VPS37A: variants seen among roughly 807,000 people sequenced by gnomAD.
The protein encoded by VPS37A is VPS37A subunit of ESCRT-I, also known as vacuolar protein sorting-associated protein 37A.
A neutral mutation model predicts 49.8 loss-of-function variants in VPS37A; 30 were observed. That is an observed-to-expected ratio of 0.60 (90% CI 0.45 to 0.82). VPS37A has a LOEUF of 0.82. VPS37A is among the 40% of genes least tolerant of loss of function. VPS37A has a pLI of 0.00. For missense variants in VPS37A, 593 were observed against 464.4 expected, an observed-to-expected ratio of 1.28 and a Z score of -2.55; for synonymous variants, 195 against 160.6, an observed-to-expected ratio of 1.21 and a Z score of -1.62.
At chr8:17,305,613 G>C, downstream of VPS37A, 1 of 659,270 alleles carries the variant, frequency 1.5e-6, no homozygotes, top group South Asian at 2.2e-5. Context: ...AATGACACCA[G>C]GAAAAAGAAA....
chr8:17,276,529 A>G, intron 6 of VPS37A, 62 bp downstream of exon 6: 1 of 1,440,918 alleles, frequency 6.9e-7, no homozygotes, highest in Non-Finnish European at 9.5e-7. Flanking sequence ...AAACCAGATT[A>G]TTATTTCATA....
chr8:17,288,899 A>T (rs996622497), intron 11 of VPS37A, among the ~76,000 whole-genome samples: 4 of 152,138 alleles, frequency 2.6e-5, no homozygotes. Flanking sequence ...CTAACTTTTT[A>T]ATAATTGCCA....
intron 6 of VPS37A, among the ~76,000 whole-genome samples, chr8:17,277,386 T>A (rs565407465): frequency 1.1e-4 from 16 of 152,244 alleles, no homozygotes; most frequent in African/African-American, 3.1e-4. Context: ...AAATTTTTTT[T>A]AAATAATTGT....
At chr8:17,259,881 A>G (rs1006600583) in intron 1 of VPS37A, among the ~76,000 whole-genome samples, 1 of 152,112 alleles carries the variant, frequency 6.6e-6, no homozygotes, top group Non-Finnish European at 1.5e-5. Context: ...TGCTGTAAGT[A>G]TAGCTGCTCC....
At chr8:17,305,690 A>C (rs1412717367), downstream of VPS37A, 38 of 1,384,600 alleles carry the variant, frequency 2.7e-5, no homozygotes, top group East Asian at 6.9e-4. Context: ...ATGAAAGGCC[A>C]CCTAAAATTC....
intron 11 of VPS37A, among the ~76,000 whole-genome samples, chr8:17,291,626 T>G (rs1816167721): frequency 6.6e-6 from 1 of 152,192 alleles, no homozygotes; most frequent in South Asian, 2.1e-4. Context: ...TGCTATAAAT[T>G]TCCCTCTAAA....
the VPS37A span, among the ~76,000 whole-genome samples, chr8:17,333,255 A>C: frequency 1.3e-5 from 2 of 152,230 alleles, no homozygotes; most frequent in African/African-American, 4.8e-5. Context: ...AAATATTAAA[A>C]TAATGCATTT....
chr8:17,251,931 A>G (rs1812018084), intron 1 of VPS37A, among the ~76,000 whole-genome samples: 1 of 152,138 alleles, frequency 6.6e-6, no homozygotes, highest in Non-Finnish European at 1.5e-5. Flanking sequence ...CACAGCTATA[A>G]GACTTTGTCC....
chr8:17,268,331 G>A lies in VPS37A; in HGVS notation c.274G>A (p.Asp92Asn), dbSNP rs779551502. Residue 92 changes from aspartate to asparagine, a missense_variant, in exon 3 of 12, where the codon GAT becomes AAT. Asp to Asn is a conservative substitution (Grantham distance 23). Transcript: ENST00000324849. Reference protein sequence around the residue: ...VYPPIRHHLMDKQGVYVTSPL... With the variant: ...VYPPIRHHLMNKQGVYVTSPL... ...TCCACCAATACGACATCACTTAATG[G>A]ATAAACAAGGAGTGTATGTTACCTC... 2 of 1,613,278 alleles carry A rather than the reference G, an allele frequency of 1.2e-6. No homozygotes were observed. Among genetic ancestry groups the A allele is most frequent in the South Asian group, 2.2e-5 (2 of 91,032 alleles).
At chr8:17,270,444 A>C (rs186646604) in intron 4 of VPS37A, among the ~76,000 whole-genome samples, 1 of 152,274 alleles carries the variant, frequency 6.6e-6, no homozygotes, top group Non-Finnish European at 1.5e-5. Flanking sequence ...TGGCATCTCC[A>C]TGTGACCTGC....
At chr8:17,299,552 A>T (rs1816960068), downstream of VPS37A, 1 of 257,086 alleles carries the variant, frequency 3.9e-6, no homozygotes, top group Non-Finnish European at 7.5e-6. Flanking sequence ...ATGCTATGAC[A>T]AGGAAGATAG....
intron 1 of VPS37A, among the ~76,000 whole-genome samples, chr8:17,254,906 C>T (rs943841620): frequency 2.0e-5 from 3 of 152,036 alleles, no homozygotes; most frequent in Non-Finnish European, 2.9e-5. Flanking sequence ...GTCTGTTCTC[C>T]ATCTATTCTA....
At chr8:17,275,956 G>A (rs943987208) in intron 5 of VPS37A, among the ~76,000 whole-genome samples, 4 of 152,096 alleles carry the variant, frequency 2.6e-5, no homozygotes, top group African/African-American at 9.7e-5. Context: ...AGGATAAAAA[G>A]TCATATATAT....
At chr8:17,279,845 T>C (rs945366089) in intron 6 of VPS37A, 183 bp from the exon 7 acceptor site, 1 of 721,786 alleles carries the variant, frequency 1.4e-6, no homozygotes, top group Non-Finnish European at 2.4e-6. Flanking sequence ...TACAGACTGC[T>C]CTATGTTCCA....
chr8:17,331,051 A>G, the VPS37A span: 1 of 1,385,432 alleles, frequency 7.2e-7, no homozygotes. Flanking sequence ...AAATTATCAC[A>G]CCTATGTAAA....
chr8:17,247,689 C>CCA, intron 1 of VPS37A: 1 of 702,982 alleles, frequency 1.4e-6, no homozygotes. Context: ...CCAGGCTTCG[C>CCA]CACTGATCTT....
At chr8:17,304,836 C>T (rs1817351809), downstream of VPS37A, among the ~76,000 whole-genome samples, 2 of 151,682 alleles carry the variant, frequency 1.3e-5, no homozygotes, top group Non-Finnish European at 2.9e-5. Flanking sequence ...TTGTCACACA[C>T]TATTCTAAAT....
At chr8:17,318,574 G>T in the VPS37A span, among the ~76,000 whole-genome samples, 78 of 152,290 alleles carry the variant, frequency 5.1e-4, no homozygotes, top group African/African-American at 1.9e-3. Flanking sequence ...GTTCCAGGAG[G>T]AATCGCTGTT....
chr8:17,299,640 A>G (rs1586120925), downstream of VPS37A: 5 of 584,720 alleles, frequency 8.6e-6, no homozygotes, highest in African/African-American at 1.9e-5. Context: ...GTGAGCTTCA[A>G]AATGGTGAAT....
Sources: gnomAD v4.1 joint callset for allele counts (sites outside exome capture counted in the v4.1 genomes callset) on GRCh38, gnomAD v4.1.1 for gene constraint, MANE v1.5 for transcripts, NCBI Gene and HGNC (gene_info 2026-07-23, HGNC 2026-07-21) for gene names.